The following TSFM variants were observed in gnomAD, a reference collection of about 807,000 sequenced individuals.
The protein encoded by TSFM is Ts translation elongation factor, mitochondrial.
In TSFM, 29 loss-of-function variants were observed where a neutral mutation model predicts 33.4. That is an observed-to-expected ratio of 0.87 (90% CI 0.65 to 1.18). The LOEUF is 1.18. Ranked by LOEUF, TSFM falls within the 50% of genes most tolerant of loss-of-function variation. The probability of loss-of-function intolerance (pLI) is 0.00; values close to 1 mark genes in which losing one functional copy is unlikely to be tolerated. For synonymous variants in TSFM, 178 were observed against 163.5 expected (o/e 1.09, Z -0.68); for missense variants, 394 against 395.6 (o/e 1.00, Z 0.04).
chr12:57,802,148 CTCTTT>C, downstream of TSFM: 1 of 1,613,446 alleles, frequency 6.2e-7, no homozygotes, highest in Non-Finnish European at 8.5e-7. Context: ...CTTCCCTACT[CTCTTT>C]TCTTACACTC....
At chr12:57,783,546 A>G in intron 2 of TSFM, 1 of 655,864 alleles carries the variant, frequency 1.5e-6, no homozygotes, top group Non-Finnish European at 2.9e-6. Context: ...CTTTGGAGTC[A>G]GATTGTTCAG....
intron 2 of TSFM, among the ~76,000 whole-genome samples, chr12:57,785,298 C>T (rs1184867805): frequency 1.3e-5 from 2 of 152,138 alleles, no homozygotes; most frequent in Non-Finnish European, 2.9e-5. Context: ...CCTAGGCCTA[C>T]ACAGGAGTGG....
intron 1 of TSFM, 54 bp from the exon 2 acceptor site, chr12:57,783,056 C>T (rs1390166810): frequency 1.3e-6 from 2 of 1,569,376 alleles, no homozygotes; most frequent in East Asian, 2.2e-5. Flanking sequence ...GTGTACCCTT[C>T]ACCCTCTGGA....
At chr12:57,801,156 C>T (rs1268375438), downstream of TSFM, 2 of 1,613,658 alleles carry the variant, frequency 1.2e-6, no homozygotes, top group Admixed American at 1.7e-5. Context: ...CAGTGATTCG[C>T]ATGATAGCAG....
At chr12:57,791,881 T>C in intron 4 of TSFM, 1 of 304,652 alleles carries the variant, frequency 3.3e-6, no homozygotes, top group Non-Finnish European at 6.8e-6. Flanking sequence ...ACCATTGGAT[T>C]TGTACCATTT....
In TSFM at chr12:57,786,225, A is replaced by G; in HGVS notation, c.294A>G (p.Gln98=). The change falls in exon 3 of 6, where the codon CAA becomes CAG. Residue 98 remains glutamine, a synonymous_variant. Transcript: ENST00000652027. ...GCTGGAGCAAAGCTGCCAAGCTCCAAGGGAGGAAGACCAAAGAAGGCCTGA... is the reference window on the plus strand; with the variant it reads ...GCTGGAGCAAAGCTGCCAAGCTCCAGGGGAGGAAGACCAAAGAAGGCCTGA... ...KEGWSKAAKL[Q]GRKTKEGLIG... is the part of the protein sequence containing the mutation. 1 of 1,611,638 alleles carries G rather than the reference A, an allele frequency of 6.2e-7. No homozygotes were observed. The highest frequency in any genetic ancestry group is 8.5e-7 in the Non-Finnish European group (1 of 1,178,772).
intron 5 of TSFM, among the ~76,000 whole-genome samples, chr12:57,794,749 G>C (rs949525977): frequency 2.0e-5 from 3 of 152,174 alleles, no homozygotes; most frequent in Non-Finnish European, 4.4e-5. Context: ...AGATACTATA[G>C]TTAATGCTTT....
intron 2 of TSFM, among the ~76,000 whole-genome samples, chr12:57,785,166 T>C (rs1955574428): frequency 6.6e-6 from 1 of 152,074 alleles, no homozygotes; most frequent in African/African-American, 2.4e-5. Flanking sequence ...GACCTTGTGA[T>C]CCGCCCACCT....
downstream of TSFM, chr12:57,797,972 A>G (rs1955769579): frequency 1.2e-6 from 2 of 1,612,862 alleles, no homozygotes; most frequent in East Asian, 2.2e-5. Flanking sequence ...ACACAGACAC[A>G]AAGTCCTGTT....
intron 1 of TSFM, 50 bp from the exon 2 acceptor site, chr12:57,783,060 C>G: frequency 6.3e-7 from 1 of 1,574,998 alleles, no homozygotes; most frequent in South Asian, 1.2e-5. Flanking sequence ...ACCCTTCACC[C>G]TCTGGAGTTT....
chr12:57,801,491 G>C (rs1955847009), downstream of TSFM: 1 of 251,070 alleles, frequency 4.0e-6, no homozygotes, highest in South Asian at 5.1e-5. Context: ...TGTAATCCCA[G>C]CACTTTGGGA....
rs755773165 is a variant in TSFM at position 57,782,823 on chromosome 12, C to G, written c.22C>G (p.Arg8Gly). The change falls in exon 1 of 6, where the codon CGC becomes GGC. Residue 8 changes from arginine (R) to glycine (G), a missense_variant. Coordinates refer to ENST00000652027, the MANE Select transcript of TSFM (RefSeq NM_005726.6). The part of the protein sequence containing the change: MSLLRSL[R>G]VFLVARTGSY... ...AGAGATGTCGCTGCTGCGGTCGCTGCGCGTGTTTCTGGTCGCGCGGACCGG... is the reference window on the plus strand; with the variant it reads ...AGAGATGTCGCTGCTGCGGTCGCTGGGCGTGTTTCTGGTCGCGCGGACCGG... 1 of 1,595,252 alleles carries G rather than the reference C, an allele frequency of 6.3e-7. No individual in the cohort carries two copies. Among genetic ancestry groups the G allele is most frequent in the Non-Finnish European group, 8.5e-7 (1 of 1,171,782 alleles).
downstream of TSFM, among the ~76,000 whole-genome samples, chr12:57,798,529 G>A (rs909264044): frequency 3.3e-5 from 5 of 152,020 alleles, no homozygotes; most frequent in East Asian, 9.6e-4. Flanking sequence ...TACTTGAGTT[G>A]ACTAGATAAG....
At position 57,792,105 on chromosome 12, in the gene TSFM, A is replaced by G. The variant is rs866015030; in HGVS notation, c.484-881A>G. ...AAAAAGATATAAAAATTTGCCAGGCATGGTGGCGCATGCCTGTAGTCCCAT... is the reference window on the plus strand; with the variant it reads ...AAAAAGATATAAAAATTTGCCAGGCGTGGTGGCGCATGCCTGTAGTCCCAT... On this transcript the variant is annotated intron_variant, in intron 4 of 5. Transcript: ENST00000652027. The G allele has an allele frequency of 1.0e-5, 2 of 193,674 alleles. 1 individual carries two copies. Among genetic ancestry groups the G allele is most frequent in the Middle Eastern group, 4.0e-3 (2 of 500 alleles). 12.0% of individuals were successfully genotyped at this position (193,674 alleles called of 1,614,324 possible).
rs1955600379 is a variant in TSFM, at chr12:57,787,075, A to T, written c.396A>T (p.Leu132Phe). The change falls in exon 4 of 6, where the codon TTA becomes TTT. Residue 132 changes from leucine to phenylalanine, a missense_variant. Leu to Phe is a conservative substitution (Grantham distance 22). Coordinates refer to ENST00000652027, the MANE Select transcript of TSFM (RefSeq NM_005726.6). ...AGACAGATTTTGTTTCTAGAAATTT[A>T]AAATTTCAACTGTTGGTCCAGCAAG... ...NCETDFVSRN[L>F]KFQLLVQQVA... 1 of 1,613,222 alleles carries T rather than the reference A, an allele frequency of 6.2e-7. No individual in the cohort carries two copies. The highest frequency in any genetic ancestry group is 1.3e-5 in the African/African-American group (1 of 75,046).
Position 57,783,234 on chromosome 12 carries a change from T to C in TSFM, c.182T>C (p.Phe61Ser). Residue 61 changes from phenylalanine to serine, a missense_variant, in exon 2 of 6, where the codon TTT becomes TCT. This residue lies in a region of TSFM where 208 missense variants were observed against 180.4 expected (regional missense o/e 1.15). Coordinates refer to ENST00000652027, the MANE Select transcript of TSFM (RefSeq NM_005726.6). ...MKLRRKTGYSFVNCKKALETC... is the reference protein window; with the variant it reads ...MKLRRKTGYSSVNCKKALETC... The stretch of plus-strand genomic sequence containing the variant: ...CTGCGGCGGAAAACAGGCTACTCCT[T>C]TGTAAATTGCAAGAAAGCTCTGGAG... The C allele has an allele frequency of 6.2e-7, 1 of 1,613,856 alleles. No homozygotes were observed. Among genetic ancestry groups the C allele is most frequent in the South Asian group, 1.1e-5 (1 of 91,076 alleles).
At chr12:57,785,478 A>G (rs1347709936) in intron 2 of TSFM, among the ~76,000 whole-genome samples, 1 of 151,320 alleles carries the variant, frequency 6.6e-6, no homozygotes, top group Non-Finnish European at 1.5e-5. Context: ...TTTATTTTTT[A>G]TTTTTTTGAG....
At chr12:57,801,860 ACTT>A (rs1178671682), downstream of TSFM, among the ~76,000 whole-genome samples, 1 of 152,210 alleles carries the variant, frequency 6.6e-6, no homozygotes, top group Non-Finnish European at 1.5e-5. Context: ...AGGGAGCAAT[ACTT>A]CTACTGGCTA....
At chr12:57,802,642 C>A, downstream of TSFM, 1 of 673,780 alleles carries the variant, frequency 1.5e-6, no homozygotes, top group South Asian at 1.6e-5. Context: ...CTGCTCTAAG[C>A]ACCTTAAAAA....
Sources: gnomAD v4.1 joint callset for allele counts (sites outside exome capture counted in the v4.1 genomes callset) on GRCh38, gnomAD v4.1.1 for gene constraint, gnomAD v4.1.1 regional missense constraint, MANE v1.5 for transcripts, NCBI Gene and HGNC (gene_info 2026-07-23, HGNC 2026-07-21) for gene names.